The following TBC1D5 variants were observed in gnomAD, a reference collection of about 807,000 sequenced individuals.
The protein encoded by TBC1D5 is TBC1 domain family, member 5.
A neutral mutation model predicts 100.3 loss-of-function variants in TBC1D5; 75 were observed. The ratio of observed to expected loss-of-function variants is 0.75; its 90% CI spans 0.62 to 0.91. The LOEUF (loss-of-function observed/expected upper bound fraction) is 0.91. TBC1D5 is among the 40% of genes least tolerant of loss of function. TBC1D5 has a pLI of 0.00. For missense variants in TBC1D5, 910 were observed against 942.4 expected (o/e 0.97, Z 0.45); for synonymous variants, 323 against 325.6 (o/e 0.99, Z 0.09).
At chr3:17,699,049 G>A (rs1352031805) in intron 1 of TBC1D5, among the ~76,000 whole-genome samples, 2 of 150,754 alleles carry the variant, frequency 1.3e-5, no homozygotes, top group Admixed American at 6.6e-5. Flanking sequence ...CTGGGTATAT[G>A]CCCAAAGGAC....
chr3:17,551,795 C>T (rs1332546788), intron 2 of TBC1D5, among the ~76,000 whole-genome samples: 1 of 152,164 alleles, frequency 6.6e-6, no homozygotes, highest in South Asian at 2.1e-4. Flanking sequence ...AATCTTTGCA[C>T]ATTTGAAGGA....
At chr3:17,226,180 T>G (rs1296328033) in intron 17 of TBC1D5, among the ~76,000 whole-genome samples, 1 of 150,660 alleles carries the variant, frequency 6.6e-6, no homozygotes, top group African/African-American at 2.4e-5. Context: ...CACATTTGTA[T>G]AGCACACTGG....
intron 13 of TBC1D5, among the ~76,000 whole-genome samples, chr3:17,339,866 C>T (rs2088582702): frequency 6.6e-6 from 1 of 152,094 alleles, no homozygotes; most frequent in Non-Finnish European, 1.5e-5. Flanking sequence ...AAACACATAC[C>T]TTGCAGTAGA....
At chr3:17,696,860 A>C (rs1181552657) in intron 1 of TBC1D5, among the ~76,000 whole-genome samples, 1 of 152,176 alleles carries the variant, frequency 6.6e-6, no homozygotes, top group Admixed American at 6.5e-5. Flanking sequence ...TCTCAATAAA[A>C]TACTGGCAAA....
At chr3:17,194,993 T>A (rs2070459522) in intron 18 of TBC1D5, among the ~76,000 whole-genome samples, 1 of 152,244 alleles carries the variant, frequency 6.6e-6, no homozygotes, top group South Asian at 2.1e-4. Context: ...CAACTTCACA[T>A]AGGTGTAACC....
At position 17,707,456 on chromosome 3, in the gene TBC1D5, T is replaced by C. The variant is rs181968247; in HGVS notation, c.-101+31887A>G. ...AATCACTTAGATCCCTAAATTTAAT[T>C]TCCTAGTTAGTTACTGAAAGGATTA... On this transcript the variant is annotated intron_variant, in intron 1 of 21. Transcript: ENST00000253692. Among the ~76,000 whole-genome samples, 989 of 152,264 alleles carry C rather than the reference T, an allele frequency of 6.5e-3. 1 individual carries two copies. The highest frequency in any genetic ancestry group is 0.011 in the Admixed American group (165 of 15,308).
At chr3:17,385,974 C>A (rs933737538) in intron 8 of TBC1D5, among the ~76,000 whole-genome samples, 1 of 152,070 alleles carries the variant, frequency 6.6e-6, no homozygotes, top group Non-Finnish European at 1.5e-5. Flanking sequence ...AACACAAAAA[C>A]TTTTAAAATG....
chr3:17,286,196 C>T (rs1469463878), intron 15 of TBC1D5, among the ~76,000 whole-genome samples: 2 of 152,124 alleles, frequency 1.3e-5, no homozygotes, highest in African/African-American at 4.8e-5. Context: ...AATTACTTTG[C>T]TTATGTTTCT....
intron 3 of TBC1D5, among the ~76,000 whole-genome samples, chr3:17,477,475 G>T (rs957989021): frequency 6.6e-6 from 1 of 151,658 alleles, no homozygotes; most frequent in Non-Finnish European, 1.5e-5. Context: ...CCCCAAATTG[G>T]GATTGGTGTT....
intron 1 of TBC1D5, among the ~76,000 whole-genome samples, chr3:17,733,266 G>A (rs1160990566): frequency 6.6e-6 from 1 of 152,128 alleles, no homozygotes; most frequent in Non-Finnish European, 1.5e-5. Flanking sequence ...ATTAACCTCA[G>A]TTCTGACAAT....
At chr3:17,634,865 A>T (rs1301409421) in intron 1 of TBC1D5, among the ~76,000 whole-genome samples, 1 of 152,196 alleles carries the variant, frequency 6.6e-6, no homozygotes, top group African/African-American at 2.4e-5. Flanking sequence ...CAAAAATTAA[A>T]CATTAAAACA....
At chr3:17,481,761 G>A (rs2095505004) in intron 3 of TBC1D5, among the ~76,000 whole-genome samples, 1 of 152,082 alleles carries the variant, frequency 6.6e-6, no homozygotes, top group Non-Finnish European at 1.5e-5. Context: ...TTGAGACGGA[G>A]TCTCGCTCTT....
At chr3:17,497,755 A>T (rs771737314) in intron 3 of TBC1D5, among the ~76,000 whole-genome samples, 26 of 152,114 alleles carry the variant, frequency 1.7e-4, no homozygotes, top group Middle Eastern at 3.4e-3. Context: ...AAAGTAGGAG[A>T]ATTATTTAAG....
chr3:17,481,253 T>A (rs1273565654), intron 3 of TBC1D5, among the ~76,000 whole-genome samples: 2 of 152,218 alleles, frequency 1.3e-5, no homozygotes, highest in Non-Finnish European at 2.9e-5. Context: ...CTGACGTGCC[T>A]GGCTGCGTGC....
intron 2 of TBC1D5, among the ~76,000 whole-genome samples, chr3:17,622,139 C>G (rs952644554): frequency 6.6e-6 from 1 of 152,130 alleles, no homozygotes; most frequent in Non-Finnish European, 1.5e-5. Context: ...AACTGTTACA[C>G]CTCAGATCAT....
chr3:17,603,452 C>T (rs935423080), intron 2 of TBC1D5, among the ~76,000 whole-genome samples: 1 of 152,118 alleles, frequency 6.6e-6, no homozygotes, highest in African/African-American at 2.4e-5. Context: ...CTCACCAGTG[C>T]CATGACAGTT....
intron 1 of TBC1D5, among the ~76,000 whole-genome samples, chr3:17,731,504 C>CACA (rs2076553321): frequency 1.1e-5 from 1 of 90,854 alleles, no homozygotes; most frequent in South Asian, 3.6e-4. Flanking sequence ...GACTCTGTCT[C>CACA]AAAAAAAAAA....
chr3:17,388,166 G>A (rs1293396959), intron 8 of TBC1D5, among the ~76,000 whole-genome samples: 1 of 152,004 alleles, frequency 6.6e-6, no homozygotes, highest in Non-Finnish European at 1.5e-5. Context: ...CAACTGATCA[G>A]TATTGATAAT....
At chr3:17,731,865 C>A (rs1323656968) in intron 1 of TBC1D5, among the ~76,000 whole-genome samples, 2 of 152,104 alleles carry the variant, frequency 1.3e-5, no homozygotes, top group African/African-American at 2.4e-5. Context: ...AAAAAACACA[C>A]ACTTGTAAAG....
Sources: gnomAD v4.1 joint callset for allele counts (sites outside exome capture counted in the v4.1 genomes callset) on GRCh38, gnomAD v4.1.1 for gene constraint, MANE v1.5 for transcripts, NCBI Gene and HGNC (gene_info 2026-07-23, HGNC 2026-07-21) for gene names.